The following SPATA31G1 variants were observed in gnomAD, a reference collection of about 807,000 sequenced individuals.
The protein encoded by SPATA31G1 is spermatogenesis-associated protein 31G1.
At chr9:35,042,294 G>T in the SPATA31G1 span, 3 of 1,614,192 alleles carry the variant, frequency 1.9e-6, no homozygotes, top group Middle Eastern at 1.6e-4. Flanking sequence ...GGCTAAGGGG[G>T]ATATGGGGCT....
the SPATA31G1 span, chr9:35,042,679 C>A: frequency 8.7e-7 from 1 of 1,152,226 alleles, no homozygotes; most frequent in Non-Finnish European, 1.2e-6. Context: ...TACTGATCTC[C>A]AAATGAGGAC....
the SPATA31G1 span, chr9:35,045,789 T>A: frequency 1.2e-6 from 2 of 1,614,062 alleles, no homozygotes; most frequent in Non-Finnish European, 1.7e-6. Flanking sequence ...CCTCAAGGCT[T>A]CCCTTACCAG....
the SPATA31G1 span, chr9:35,045,384 G>A: frequency 1.9e-6 from 3 of 1,614,088 alleles, no homozygotes; most frequent in East Asian, 4.5e-5. Flanking sequence ...TCCAGGCCCA[G>A]GAGAACCCTC....
At chr9:35,042,804 A>C in the SPATA31G1 span, 11 of 1,569,656 alleles carry the variant, frequency 7.0e-6, no homozygotes, top group Non-Finnish European at 7.8e-6. Context: ...GCCTCATAGC[A>C]AACCTTGTGT....
chr9:35,042,280 T>G, the SPATA31G1 span: 1 of 1,614,124 alleles, frequency 6.2e-7, no homozygotes, highest in South Asian at 1.1e-5. Context: ...GAGGACCTGC[T>G]TGGGGCTAAG....
the SPATA31G1 span, chr9:35,045,955 G>GA: frequency 6.2e-6 from 9 of 1,445,602 alleles, no homozygotes; most frequent in Non-Finnish European, 8.3e-6. Context: ...ACAAGAAATG[G>GA]AAATTCTAAT....
At chr9:35,044,172 C>A in the SPATA31G1 span, 24 of 1,613,982 alleles carry the variant, frequency 1.5e-5, no homozygotes, top group Non-Finnish European at 2.0e-5. Flanking sequence ...TTCCCCAGAC[C>A]CTGTTCATAG....
chr9:35,043,386 T>C, the SPATA31G1 span: 1 of 1,614,078 alleles, frequency 6.2e-7, no homozygotes, highest in Admixed American at 1.7e-5. Flanking sequence ...AGCCCAGTTT[T>C]CTACCCATGG....
the SPATA31G1 span, chr9:35,043,824 CAGAG>C: frequency 1.2e-6 from 2 of 1,614,162 alleles, no homozygotes; most frequent in Non-Finnish European, 1.7e-6. Context: ...GCCAGAACTC[CAGAG>C]AGAGAGTTCC....
At chr9:35,044,846 G>A in the SPATA31G1 span, 19 of 1,613,966 alleles carry the variant, frequency 1.2e-5, no homozygotes, top group Non-Finnish European at 1.5e-5. Flanking sequence ...CTGAAGCTGT[G>A]AAGATTGAAC....
chr9:35,044,364 G>C, the SPATA31G1 span: 1 of 1,614,000 alleles, frequency 6.2e-7, no homozygotes, highest in Non-Finnish European at 8.5e-7. Context: ...TAGATCCATG[G>C]GGGTCCTGTC....
the SPATA31G1 span, chr9:35,043,747 G>A: frequency 6.2e-7 from 1 of 1,614,172 alleles, no homozygotes; most frequent in Middle Eastern, 1.6e-4. Flanking sequence ...GGAACCGTGG[G>A]ATACAGAGAG....
chr9:35,045,219 C>G, the SPATA31G1 span: 1 of 1,614,164 alleles, frequency 6.2e-7, no homozygotes, highest in Non-Finnish European at 8.5e-7. Flanking sequence ...CTCCCACTGT[C>G]ATCACTTCCA....
chr9:35,044,015 T>C, the SPATA31G1 span: 95 of 1,613,324 alleles, frequency 5.9e-5, no homozygotes, highest in African/African-American at 7.5e-4. Context: ...GAGAAAATAT[T>C]TGGGTCCCTG....
At chr9:35,043,997 G>A in the SPATA31G1 span, 2 of 1,612,990 alleles carry the variant, frequency 1.2e-6, no homozygotes, top group East Asian at 4.5e-5. Context: ...GGAAGGGCAT[G>A]CAAAGTAGAG....
the SPATA31G1 span, chr9:35,043,484 C>A: frequency 2.5e-6 from 4 of 1,614,184 alleles, no homozygotes; most frequent in South Asian, 4.4e-5. Context: ...CATCACTACT[C>A]CTCCATCTGA....
At chr9:35,044,938 C>T in the SPATA31G1 span, 4 of 1,614,182 alleles carry the variant, frequency 2.5e-6, no homozygotes, top group East Asian at 8.9e-5. Flanking sequence ...TGGACTGTCC[C>T]AGAGTTGCTC....
At chr9:35,045,328 C>A in the SPATA31G1 span, 1 of 1,614,106 alleles carries the variant, frequency 6.2e-7, no homozygotes, top group Non-Finnish European at 8.5e-7. Flanking sequence ...CAGGTCCCAT[C>A]CCAAGGGCCA....
the SPATA31G1 span, chr9:35,044,830 C>T: frequency 3.1e-6 from 5 of 1,614,018 alleles, no homozygotes; most frequent in African/African-American, 2.7e-5. Flanking sequence ...CAGCCTCCCA[C>T]CCTAGCTGAA....
Sources: gnomAD v4.1 joint callset for allele counts on GRCh38, gnomAD v4.1.1 for gene constraint, MANE v1.5 for transcripts, NCBI Gene and HGNC (gene_info 2026-07-23, HGNC 2026-07-21) for gene names.